Variants in TAFA2 observed in about 807,000 individuals in gnomAD.
TAFA2 encodes TAFA chemokine like family member 2, also known as chemokine-like protein TAFA-2.
A neutral mutation model predicts 18.8 loss-of-function variants in TAFA2; 7 were observed. The ratio of observed to expected loss-of-function variants is 0.37; its 90% CI spans 0.21 to 0.70. The LOEUF (loss-of-function observed/expected upper bound fraction) is 0.70, where lower values mean the gene tolerates loss of function less well. Ranked by LOEUF, TAFA2 falls within the 30% of genes least tolerant of loss-of-function variation. The probability of loss-of-function intolerance (pLI) is 0.53; values close to 1 mark genes in which losing one functional copy is unlikely to be tolerated. For missense variants in TAFA2, 122 were observed against 158.1 expected (o/e 0.77, Z 1.23); for synonymous variants, 60 against 54.2 (o/e 1.11, Z -0.47).
chr12:61,876,752 A>G (rs1258190177), intron 1 of TAFA2, among the ~76,000 whole-genome samples: 2 of 152,206 alleles, frequency 1.3e-5, no homozygotes. Context: ...ATGCTATTCT[A>G]TGTTCTCAAA....
intron 1 of TAFA2, among the ~76,000 whole-genome samples, chr12:61,869,559 TA>T (rs1472849068): frequency 3.3e-5 from 5 of 152,162 alleles, no homozygotes; most frequent in Non-Finnish European, 5.9e-5. Context: ...TCAACCAATT[TA>T]ACTAGATTTT....
At chr12:61,889,447 C>G (rs1875533988) in intron 1 of TAFA2, among the ~76,000 whole-genome samples, 1 of 152,122 alleles carries the variant, frequency 6.6e-6, no homozygotes, top group Admixed American at 6.5e-5. Flanking sequence ...ATCTGGCTTA[C>G]TAGGAATGAG....
intron 1 of TAFA2, among the ~76,000 whole-genome samples, chr12:62,238,530 T>G (rs1035305045): frequency 6.6e-6 from 1 of 152,244 alleles, no homozygotes; most frequent in East Asian, 1.9e-4. Flanking sequence ...GTTCCTATTT[T>G]ACAAATGACA....
chr12:61,832,336 G>C (rs1205372854), intron 2 of TAFA2, among the ~76,000 whole-genome samples: 1 of 152,012 alleles, frequency 6.6e-6, no homozygotes, highest in Non-Finnish European at 1.5e-5. Flanking sequence ...CCACGTTGTG[G>C]TGAACCCAAG....
In TAFA2 at chr12:62,219,637, T is replaced by C. The variant is rs570835694; in HGVS notation, c.-130+39126A>G. On this transcript the variant is annotated intron_variant, in intron 1 of 5. Coordinates refer to the TAFA2 transcript ENST00000551619. Reference sequence around the variant, plus strand: ...TGTTCACTTAAAGTTGTAAGCACTATTTGTCATAAGGGGTTGAATTTGCTC... The same window carrying C: ...TGTTCACTTAAAGTTGTAAGCACTACTTGTCATAAGGGGTTGAATTTGCTC... Among the ~76,000 whole-genome samples the C allele has an allele frequency of 1.1e-4, 16 of 152,322 alleles. No individual in the cohort carries two copies. In the South Asian group the frequency reaches 3.3e-3, roughly 32 times the overall value.
At chr12:62,202,822 T>TC (rs2062677241) in intron 1 of TAFA2, among the ~76,000 whole-genome samples, 1 of 61,850 alleles carries the variant, frequency 1.6e-5, no homozygotes, top group African/African-American at 6.2e-5. Flanking sequence ...TGTGTGGTTC[T>TC]TTTTTTTTTT....
chr12:61,971,576 G>C (rs1223727848), intron 1 of TAFA2, among the ~76,000 whole-genome samples: 1 of 151,828 alleles, frequency 6.6e-6, no homozygotes, highest in Non-Finnish European at 1.5e-5. Context: ...CCTTTGCAGG[G>C]ACATGGATGA....
At chr12:62,029,400 TTA>T (rs1435071616) in intron 1 of TAFA2, among the ~76,000 whole-genome samples, 2 of 152,144 alleles carry the variant, frequency 1.3e-5, no homozygotes, top group Non-Finnish European at 2.9e-5. Context: ...GATAAGAAAA[TTA>T]TGTTTCTGAA....
intron 1 of TAFA2, among the ~76,000 whole-genome samples, chr12:61,921,113 A>G (rs1404816782): frequency 6.6e-6 from 1 of 152,242 alleles, no homozygotes; most frequent in Non-Finnish European, 1.5e-5. Flanking sequence ...ATGATTGGCC[A>G]TTATGAGGAA....
At chr12:61,889,632 T>C (rs1236994334) in intron 1 of TAFA2, among the ~76,000 whole-genome samples, 1 of 152,340 alleles carries the variant, frequency 6.6e-6, no homozygotes, top group Admixed American at 6.5e-5. Flanking sequence ...TTTAAATTCA[T>C]TAATAGAACA....
chr12:61,968,713 G>T (rs192190671), intron 1 of TAFA2, among the ~76,000 whole-genome samples: 64 of 151,836 alleles, frequency 4.2e-4, no homozygotes, highest in Non-Finnish European at 7.2e-4. Context: ...TTGAAACAAT[G>T]CTATTCAATT....
At chr12:61,970,706 G>T (rs578048556) in intron 1 of TAFA2, among the ~76,000 whole-genome samples, 1 of 151,152 alleles carries the variant, frequency 6.6e-6, no homozygotes, top group Non-Finnish European at 1.5e-5. Flanking sequence ...TAAAGACCAA[G>T]AAATAATCAC....
intron 1 of TAFA2, among the ~76,000 whole-genome samples, chr12:61,918,822 T>A (rs747156001): frequency 1.3e-5 from 2 of 152,028 alleles, no homozygotes; most frequent in Non-Finnish European, 2.9e-5. Context: ...GGCCCAGGAG[T>A]CTTTACATTT....
At chr12:61,950,026 T>C (rs533137398) in intron 1 of TAFA2, among the ~76,000 whole-genome samples, 3 of 152,308 alleles carry the variant, frequency 2.0e-5, no homozygotes, top group Non-Finnish European at 4.4e-5. Flanking sequence ...GCATTTGTCT[T>C]ATTCTGACTG....
chr12:61,996,070 T>C (rs1880177186), intron 1 of TAFA2, among the ~76,000 whole-genome samples: 1 of 152,094 alleles, frequency 6.6e-6, no homozygotes, highest in South Asian at 2.1e-4. Flanking sequence ...GTAGCACACA[T>C]TTTATTTGTT....
At chr12:61,994,353 C>T (rs1345299122) in intron 1 of TAFA2, among the ~76,000 whole-genome samples, 2 of 152,266 alleles carry the variant, frequency 1.3e-5, no homozygotes, top group East Asian at 1.9e-4. Flanking sequence ...TCAATGTCTC[C>T]AGCCATGCTC....
chr12:62,034,249 C>T (rs937887619), intron 1 of TAFA2, among the ~76,000 whole-genome samples: 2 of 152,052 alleles, frequency 1.3e-5, no homozygotes, highest in African/African-American at 4.8e-5. Flanking sequence ...CACCTTGAGC[C>T]CAGCCCCCTT....
chr12:62,072,792 A>G (rs887931191), intron 1 of TAFA2, among the ~76,000 whole-genome samples: 2 of 152,196 alleles, frequency 1.3e-5, no homozygotes, highest in African/African-American at 4.8e-5. Context: ...TCTAAAATAA[A>G]TAAATAATAA....
intron 4 of TAFA2, among the ~76,000 whole-genome samples, chr12:61,731,947 A>G (rs918333756): frequency 2.6e-5 from 4 of 152,122 alleles, no homozygotes; most frequent in Non-Finnish European, 4.4e-5. Context: ...AGGTGTGAAG[A>G]AAAAGATAAA....
Sources: gnomAD v4.1 joint callset for allele counts (sites outside exome capture counted in the v4.1 genomes callset) on GRCh38, gnomAD v4.1.1 for gene constraint, MANE v1.5 for transcripts, NCBI Gene and HGNC (gene_info 2026-07-23, HGNC 2026-07-21) for gene names.